Variants in SHANK2 observed in about 807,000 individuals in gnomAD.
SHANK2 encodes the protein SH3 and multiple ankyrin repeat domains protein 2.
SHANK2 carries 43 observed loss-of-function variants against 133.7 expected under a neutral mutation model. The ratio of observed to expected loss-of-function variants is 0.32; its 90% confidence interval spans 0.25 to 0.41. The LOEUF (loss-of-function observed/expected upper bound fraction) is 0.41, where lower values mean the gene tolerates loss of function less well. Among genes scored for constraint, SHANK2 ranks in the 10% least tolerant of loss-of-function variants. The pLI is 1.00. For missense variants in SHANK2, 1,994 were observed against 2,235.8 expected, an observed-to-expected ratio of 0.89 and a Z score of 2.18; for synonymous variants, 1,017 against 952.8, an observed-to-expected ratio of 1.07 and a Z score of -1.24.
intron 10 of SHANK2, among the ~76,000 whole-genome samples, chr11:70,941,377 G>T (rs1171731345): frequency 6.6e-6 from 1 of 152,160 alleles, no homozygotes; most frequent in Non-Finnish European, 1.5e-5. Flanking sequence ...GCAAAATATT[G>T]CAGAACTACA....
At chr11:70,676,240 G>A (rs1365824677) in intron 15 of SHANK2, among the ~76,000 whole-genome samples, 1 of 152,220 alleles carries the variant, frequency 6.6e-6, no homozygotes, top group East Asian at 1.9e-4. Context: ...TGCAGCGACT[G>A]GAAAAGCCAG....
At chr11:70,635,421 G>A (rs1555003598) in intron 17 of SHANK2, 2 of 152,164 alleles carry the variant, frequency 1.3e-5, no homozygotes, top group Non-Finnish European at 2.9e-5. Context: ...CAACACGGAG[G>A]AACCTCGAAG....
chr11:70,532,049 C>G (rs1363795451), intron 17 of SHANK2, among the ~76,000 whole-genome samples: 3 of 152,174 alleles, frequency 2.0e-5, no homozygotes, highest in African/African-American at 7.2e-5. Context: ...TGGGCTTCTT[C>G]CCTCTGGATC....
intron 3 of SHANK2, among the ~76,000 whole-genome samples, chr11:71,137,195 T>A (rs1480418464): frequency 4.0e-5 from 6 of 150,770 alleles, no homozygotes; most frequent in African/African-American, 1.5e-4. Context: ...GTAAATCCTA[T>A]AATTTATAAA....
intron 11 of SHANK2, among the ~76,000 whole-genome samples, chr11:70,850,990 T>C (rs1949078173): frequency 1.3e-5 from 2 of 152,084 alleles, no homozygotes; most frequent in Admixed American, 1.3e-4. Flanking sequence ...CAACACAAAT[T>C]TGGAGCATCC....
Position 70,716,209 on chromosome 11 carries a change from G to T in SHANK2, c.1778-17446C>A, listed in dbSNP as rs141877982. On this transcript the variant is annotated intron_variant, in intron 14 of 25. Coordinates refer to ENST00000601538, the MANE Select transcript of SHANK2 (RefSeq NM_012309.5). ...ATGATAATCAGAGCCACCATTCTCA[G>T]AGCAAACACCCCAAGCATCTCCTGG... 5.8e-3 allele frequency among the ~76,000 whole-genome samples: 884 copies of T among 152,248 alleles called. 1 individual carries two copies. Among genetic ancestry groups the T allele is most frequent in the African/African-American group, 0.011 (443 of 41,548 alleles).
At chr11:70,767,841 T>G (rs1307474189) in intron 14 of SHANK2, among the ~76,000 whole-genome samples, 2 of 152,172 alleles carry the variant, frequency 1.3e-5, no homozygotes, top group African/African-American at 4.8e-5. Context: ...TTAATGTCAA[T>G]TTCGCCTGAA....
At chr11:70,738,622 G>A (rs544290223) in intron 14 of SHANK2, among the ~76,000 whole-genome samples, 2 of 152,318 alleles carry the variant, frequency 1.3e-5, no homozygotes, top group African/African-American at 4.8e-5. Context: ...AGGGACCAAT[G>A]GAAGCACAGC....
At chr11:70,951,353 T>C (rs543356236) in intron 10 of SHANK2, among the ~76,000 whole-genome samples, 7 of 151,248 alleles carry the variant, frequency 4.6e-5, no homozygotes, top group Non-Finnish European at 7.4e-5. Context: ...CATAAATTCA[T>C]TTCCCCTGGC....
In SHANK2 at chr11:71,075,174, G is replaced by T; in HGVS notation, c.1014C>A (p.Cys338Ter). The T allele has an allele frequency of 4.3e-6, 1 of 230,434 alleles. No homozygotes were observed. The allele number at this position is 230,434 out of a possible 1,614,324, so 14.3% of individuals were successfully genotyped here. A position where few individuals can be genotyped will look rare whatever the true frequency, so the allele number is the denominator to read the frequency against. ...CAGCACTCACCTGGTTGTAGAGGGC[G>T]CAGATGTGCAAGGCCGTGTTCCCCG... ...NASGNTALHI[C>*]ALYNQDSCAR... is the part of the protein sequence containing the mutation. Residue 338 changes from cysteine to a stop codon, truncating the protein, a stop_gained, in exon 9 of 26, where the codon TGC becomes TGA. Transcript: ENST00000601538. LOFTEE classifies it high-confidence loss of function.
At chr11:71,226,209 G>A (rs547297938) in intron 1 of SHANK2, among the ~76,000 whole-genome samples, 2 of 152,282 alleles carry the variant, frequency 1.3e-5, no homozygotes, top group East Asian at 1.9e-4. Context: ...CAGAATGGAG[G>A]GGACAGAGGA....
At chr11:70,578,700 C>G (rs1554984783) in intron 17 of SHANK2, among the ~76,000 whole-genome samples, 2 of 152,202 alleles carry the variant, frequency 1.3e-5, no homozygotes, top group South Asian at 2.1e-4. Flanking sequence ...GTCATCGAAT[C>G]TGCTAATTTA....
rs529183671 is a variant in SHANK2 at position 71,118,091 on chromosome 11, T to G, written c.411+738A>C. Among the ~76,000 whole-genome samples, 6 of 152,114 alleles carry G rather than the reference T, an allele frequency of 3.9e-5. No individual in the cohort carries two copies. In the East Asian group the frequency reaches 1.2e-3, roughly 30 times the overall value. ...CCATTAGGCGCTGGGAAGGAAAAAT[T>G]TAAAACCCCTCAGAGAAGCATGGGG... On this transcript the variant is annotated intron_variant, in intron 4 of 25. Coordinates refer to ENST00000601538, the MANE Select transcript of SHANK2 (RefSeq NM_012309.5).
At chr11:71,208,404 G>A (rs1555118357) in intron 2 of SHANK2, among the ~76,000 whole-genome samples, 4 of 152,108 alleles carry the variant, frequency 2.6e-5, no homozygotes, top group Admixed American at 1.3e-4. Flanking sequence ...TGGAACAAGG[G>A]GAGAAAGAAT....
Position 70,807,988 on chromosome 11 carries a change from G to C in SHANK2, c.1494-817C>G, listed in dbSNP as rs1555052390. ...GATTCATGGACACAGAAAGTAGAAT[G>C]GCGGGTGCCGGGGGCTGGTGGAGAG... On this transcript the variant is annotated intron_variant, in intron 12 of 25. Coordinates refer to ENST00000601538, the MANE Select transcript of SHANK2 (RefSeq NM_012309.5). The surrounding 1 kb of genome is among the most constrained non-coding windows in gnomAD (Gnocchi z 4.8). Among the ~76,000 whole-genome samples the C allele has an allele frequency of 2.0e-5, 3 of 152,148 alleles. No homozygotes were observed. Among genetic ancestry groups the C allele is most frequent in the African/African-American group, 7.2e-5 (3 of 41,438 alleles).
At chr11:71,129,297 T>G (rs1952250775) in intron 3 of SHANK2, among the ~76,000 whole-genome samples, 1 of 152,126 alleles carries the variant, frequency 6.6e-6, no homozygotes, top group African/African-American at 2.4e-5. Context: ...ACTACAGCAA[T>G]GATTCTGGCG....
At chr11:70,767,460 G>A (rs1947146050) in intron 14 of SHANK2, among the ~76,000 whole-genome samples, 1 of 152,170 alleles carries the variant, frequency 6.6e-6, no homozygotes, top group Non-Finnish European at 1.5e-5. Flanking sequence ...CAACCCAAGT[G>A]TCCCTCAACA....
intron 3 of SHANK2, among the ~76,000 whole-genome samples, chr11:71,124,209 A>T (rs868988547): frequency 1.4e-5 from 1 of 72,822 alleles, no homozygotes; most frequent in Non-Finnish European, 2.4e-5. Flanking sequence ...GATGGTGGTG[A>T]TGATGATGGT....
chr11:70,624,939 A>AATG (rs1339754853), intron 17 of SHANK2, among the ~76,000 whole-genome samples: 1 of 152,140 alleles, frequency 6.6e-6, no homozygotes, highest in African/African-American at 2.4e-5. Flanking sequence ...GAGTTTAGCC[A>AATG]ATGTACAGTT....
Sources: gnomAD v4.1 joint callset for allele counts (sites outside exome capture counted in the v4.1 genomes callset) on GRCh38, gnomAD v4.1.1 for gene constraint, Gnocchi (gnomAD v3.1) non-coding constraint, MANE v1.5 for transcripts, NCBI Gene and HGNC (gene_info 2026-07-23, HGNC 2026-07-21) for gene names.